The following MYH10 variants were observed in gnomAD, a reference collection of about 807,000 sequenced individuals.
MYH10 encodes the protein myosin heavy chain 10, also known as myosin-10.
MYH10 carries 55 observed loss-of-function variants against 257.8 expected under a neutral mutation model. The observed-to-expected ratio is 0.21, with a 90% CI of 0.17 to 0.27. The LOEUF (loss-of-function observed/expected upper bound fraction) is 0.27. Among genes scored for constraint, MYH10 ranks in the 10% least tolerant of loss-of-function variants. The pLI is 1.00. For missense variants in MYH10, 1,631 were observed against 2,500.6 expected (o/e 0.65, Z 7.42); for synonymous variants, 854 against 921.7 (o/e 0.93, Z 1.33).
Position 8,476,903 on chromosome 17 carries a change from T to G in MYH10, c.5852A>C (p.Glu1951Ala). ...ATEANEGLSR[E>A]VSTLKNRLRR... is the part of the protein sequence containing the mutation. ...CAGCCGGTTCTTCAGGGTGCTGACC[T>G]CGCGGCTCAGGCCCTCGTTGGCCTC... Residue 1951 changes from glutamate (E) to alanine (A), a missense_variant, in exon 42 of 43, where the codon GAG becomes GCG. Coordinates refer to ENST00000360416, the MANE Select transcript of MYH10 (RefSeq NM_001256012.3). The G allele has an allele frequency of 6.2e-7, 1 of 1,611,652 alleles. No homozygotes were observed. The highest frequency in any genetic ancestry group is 8.5e-7 in the Non-Finnish European group (1 of 1,179,952).
Position 8,484,205 on chromosome 17 carries a change from A to G in MYH10, c.5108T>C (p.Phe1703Ser), listed in dbSNP as rs1350542135. ...EEARASRDEIFAQSKESEKKL... is the reference protein window; with the variant it reads ...EEARASRDEISAQSKESEKKL... ...CTTTTCACTCTCTTTGGATTGAGCAAAAATCTCATCTCTGGATGCACGAGC... is the reference window on the plus strand; with the variant it reads ...CTTTTCACTCTCTTTGGATTGAGCAGAAATCTCATCTCTGGATGCACGAGC... Residue 1703 changes from phenylalanine to serine, a missense_variant, in exon 37 of 43, where the codon TTT becomes TCT. Phe to Ser is a radical substitution (Grantham distance 155, BLOSUM62 -2). Coordinates refer to ENST00000360416, the MANE Select transcript of MYH10 (RefSeq NM_001256012.3). 1 of 1,612,820 alleles carries G rather than the reference A, an allele frequency of 6.2e-7. No individual in the cohort carries two copies. The highest frequency in any genetic ancestry group is 1.3e-5 in the African/African-American group (1 of 74,862).
Position 8,484,635 on chromosome 17 carries a change from A to G in MYH10, c.5047-369T>C, listed in dbSNP as rs190167088. 3.0e-4 allele frequency among the ~76,000 whole-genome samples: 45 copies of G among 152,356 alleles called. No individual in the cohort carries two copies. In the East Asian group the frequency reaches 8.7e-3, roughly 29 times the overall value. On this transcript the variant is annotated intron_variant, in intron 36 of 42. Coordinates refer to ENST00000360416, the MANE Select transcript of MYH10 (RefSeq NM_001256012.3). The stretch of plus-strand genomic sequence containing the variant: ...CAACATGTAAAAAGGATTATACACC[A>G]TGACCAAGCAGGATCTATCTGAGGA...
At position 8,477,566 on chromosome 17, in the gene MYH10, C is replaced by T. The variant is rs1226970724; in HGVS notation, c.5707-518G>A. ...TTTTGGACCCTTCATTCCTGAGCCACACAGGCACTGGTCAGTGCTTCGTGG... is the reference window on the plus strand; with the variant it reads ...TTTTGGACCCTTCATTCCTGAGCCATACAGGCACTGGTCAGTGCTTCGTGG... On this transcript the variant is annotated intron_variant, in intron 41 of 42. Transcript: ENST00000360416. The surrounding 1 kb of genome is among the most constrained non-coding windows in gnomAD (Gnocchi z 4.2). 6.6e-6 allele frequency among the ~76,000 whole-genome samples: 1 copy of T among 152,180 alleles called. No homozygotes were observed. The highest frequency in any genetic ancestry group is 1.5e-5 in the Non-Finnish European group (1 of 68,044).
At chr17:8,588,988 A>T in intron 4 of MYH10, 93 bp downstream of exon 4, 2 of 1,154,892 alleles carry the variant, frequency 1.7e-6, no homozygotes, top group African/African-American at 1.5e-5. Flanking sequence ...CTTAAAAATT[A>T]CTGCTCTACT....
chr17:8,623,031 G>C lies in MYH10; in HGVS notation c.216C>G (p.Asn72Lys). The part of the protein sequence containing the change: ...LAENGKKAMV[N>K]KDDIQKMNPP... ...GGTTCATCTTCTGAATATCATCTTT[G>C]TTGACCATTGCTTTCTTTCCATTCT... The change falls in exon 2 of 43, where the codon AAC becomes AAG. Residue 72 changes from asparagine to lysine, a missense_variant. Asn to Lys is a moderately conservative substitution (Grantham distance 94). Around this residue, in one of 11 missense-constraint regions of MYH10, gnomAD observed 360 missense variants for 581.9 expected, o/e 0.62. Transcript: ENST00000360416. 6.2e-7 allele frequency: 1 copy of C among 1,614,140 alleles called. No homozygotes were observed. Among genetic ancestry groups the C allele is most frequent in the Non-Finnish European group, 8.5e-7 (1 of 1,180,020 alleles).
chr17:8,503,857 C>T lies in MYH10; in HGVS notation c.3599+837G>A, dbSNP rs190426250. On this transcript the variant is annotated intron_variant, in intron 28 of 42. Coordinates refer to ENST00000360416, the MANE Select transcript of MYH10 (RefSeq NM_001256012.3). Reference sequence around the variant, plus strand: ...GGTGTGCCTGCAGCCAGCCAAGGCACGAGGGTTCCCTTCTGGCTAGGACTC... The same window carrying T: ...GGTGTGCCTGCAGCCAGCCAAGGCATGAGGGTTCCCTTCTGGCTAGGACTC... 2.4e-4 allele frequency among the ~76,000 whole-genome samples: 37 copies of T among 152,322 alleles called. 1 individual carries two copies. Among genetic ancestry groups the T allele is most frequent in the East Asian group, 1.5e-3 (8 of 5,194 alleles).
chr17:8,593,386 G>A (rs1597919774), intron 3 of MYH10, among the ~76,000 whole-genome samples: 1 of 151,256 alleles, frequency 6.6e-6, no homozygotes, highest in Non-Finnish European at 1.5e-5. Context: ...TGTTTGCAGA[G>A]GACATAGACA....
rs1156950516 is a variant in MYH10 at position 8,477,357 on chromosome 17, A to G, written c.5707-309T>C. Among the ~76,000 whole-genome samples the G allele has an allele frequency of 6.6e-6, 1 of 152,116 alleles. No individual in the cohort carries two copies. The highest frequency in any genetic ancestry group is 1.5e-5 in the Non-Finnish European group (1 of 68,014). On this transcript the variant is annotated intron_variant, in intron 41 of 42. Coordinates refer to ENST00000360416, the MANE Select transcript of MYH10 (RefSeq NM_001256012.3). The surrounding 1 kb of genome is among the most constrained non-coding windows in gnomAD (Gnocchi z 4.2). ...TGTCTTCACACACGTGACCTAGGGG[A>G]CTGAAAGGGAATTGCTATTCTTGCA...
chr17:8,625,111 C>T (rs1395969373), intron 1 of MYH10, among the ~76,000 whole-genome samples: 3 of 151,966 alleles, frequency 2.0e-5, no homozygotes, highest in Non-Finnish European at 2.9e-5. Flanking sequence ...ATTAGCCAGG[C>T]GTGGTGGTGG....
chr17:8,478,239 C>G, intron 41 of MYH10, 99 bp downstream of exon 41: 3 of 1,016,924 alleles, frequency 3.0e-6, no homozygotes, highest in Middle Eastern at 5.2e-4. Context: ...ACATCAGAAT[C>G]GGGAGGGCCC....
intron 34 of MYH10, among the ~76,000 whole-genome samples, chr17:8,491,377 A>G (rs1915755196): frequency 6.6e-6 from 1 of 152,196 alleles, no homozygotes; most frequent in African/African-American, 2.4e-5. Flanking sequence ...CTGTGTAACC[A>G]TGGCCACTTC....
At chr17:8,528,739 A>G (rs1788787435) in intron 17 of MYH10, among the ~76,000 whole-genome samples, 1 of 152,188 alleles carries the variant, frequency 6.6e-6, no homozygotes, top group African/African-American at 2.4e-5. Context: ...AATCACTGGA[A>G]ATATTAAAGT....
chr17:8,550,669 G>T (rs930365963), intron 9 of MYH10, among the ~76,000 whole-genome samples: 23 of 152,188 alleles, frequency 1.5e-4, no homozygotes, highest in Non-Finnish European at 3.2e-4. Context: ...AGCGGGCCAG[G>T]ATGACAGTGG....
intron 2 of MYH10, among the ~76,000 whole-genome samples, chr17:8,617,334 T>A (rs1237430808): frequency 6.6e-6 from 1 of 152,136 alleles, no homozygotes; most frequent in Non-Finnish European, 1.5e-5. Context: ...TAGGTACCTC[T>A]CTGAGTTGAG....
At chr17:8,533,729 C>T (rs2082066016) in intron 16 of MYH10, among the ~76,000 whole-genome samples, 1 of 152,194 alleles carries the variant, frequency 6.6e-6, no homozygotes, top group Non-Finnish European at 1.5e-5. Context: ...CTCTGTTGCA[C>T]ACCCCTAAAA....
intron 24 of MYH10, among the ~76,000 whole-genome samples, chr17:8,512,201 CTT>C (rs2081319156): frequency 6.6e-6 from 1 of 152,188 alleles, no homozygotes; most frequent in African/African-American, 2.4e-5. Flanking sequence ...CTGTGAATCT[CTT>C]TGCAAACTGT....
chr17:8,617,537 TA>T (rs1473481774), intron 2 of MYH10, among the ~76,000 whole-genome samples: 2 of 152,158 alleles, frequency 1.3e-5, no homozygotes, highest in Non-Finnish European at 2.9e-5. Context: ...GAACTCCAAC[TA>T]AATCAGACAT....
chr17:8,552,308 G>A lies in MYH10; in HGVS notation c.821-164C>T, dbSNP rs2082666399. On this transcript the variant is annotated intron_variant, in intron 8 of 42. Coordinates refer to ENST00000360416, the MANE Select transcript of MYH10 (RefSeq NM_001256012.3). The surrounding 1 kb of genome is among the most constrained non-coding windows in gnomAD (Gnocchi z 4.8). ...TTCTAAATGACTGTCTTCCATCTGT[G>A]AAAAAAGAAAATAGGTGCAACTTAC... 6.6e-6 allele frequency among the ~76,000 whole-genome samples: 1 copy of A among 152,088 alleles called. No individual in the cohort carries two copies.
At chr17:8,630,073 C>A (rs1284747944) in intron 1 of MYH10, among the ~76,000 whole-genome samples, 1 of 151,986 alleles carries the variant, frequency 6.6e-6, no homozygotes, top group African/African-American at 2.4e-5. Flanking sequence ...GGACCGGTCG[C>A]GCCAGGCCTA....
Sources: gnomAD v4.1 joint callset for allele counts (sites outside exome capture counted in the v4.1 genomes callset) on GRCh38, gnomAD v4.1.1 for gene constraint, gnomAD v4.1.1 regional missense constraint, Gnocchi (gnomAD v3.1) non-coding constraint, MANE v1.5 for transcripts, NCBI Gene and HGNC (gene_info 2026-07-23, HGNC 2026-07-21) for gene names.